The following PLEKHA2 variants were observed in gnomAD, a reference collection of about 807,000 sequenced individuals.
PLEKHA2 encodes pleckstrin homology domain containing A2.
In PLEKHA2, 28 loss-of-function variants were observed where a neutral mutation model predicts 53.2. The observed-to-expected ratio is 0.53, with a 90% CI of 0.39 to 0.72. The LOEUF is 0.72. PLEKHA2 is among the 30% of genes least tolerant of loss of function. The probability of loss-of-function intolerance (pLI) is 0.00; values close to 1 mark genes in which losing one functional copy is unlikely to be tolerated. For missense variants in PLEKHA2, 426 were observed against 537.9 expected, an observed-to-expected ratio of 0.79 and a Z score of 2.06; for synonymous variants, 193 against 196.4, an observed-to-expected ratio of 0.98 and a Z score of 0.14.
At position 38,920,541 on chromosome 8, in the gene PLEKHA2, C is replaced by G. The variant is rs1253204762; in HGVS notation, c.141+2471C>G. 1.3e-5 allele frequency among the ~76,000 whole-genome samples: 2 copies of G among 150,662 alleles called. 1 individual carries two copies. The highest frequency in any genetic ancestry group is 6.5e-3 in the Middle Eastern group (2 of 308). ...CTGCCTGCTTTGGCCTCCCAAAGTG[C>G]TGGGATTACAGGCATGAGCCGTTGC... On this transcript the variant is annotated intron_variant, in intron 2 of 11. Coordinates refer to ENST00000617275, the MANE Select transcript of PLEKHA2 (RefSeq NM_021623.2).
chr8:38,944,631 A>G (rs1158960491), intron 4 of PLEKHA2, among the ~76,000 whole-genome samples: 1 of 152,194 alleles, frequency 6.6e-6, no homozygotes, highest in Non-Finnish European at 1.5e-5. Flanking sequence ...ACTCACTATT[A>G]TGACACAACA....
intron 10 of PLEKHA2, among the ~76,000 whole-genome samples, chr8:38,967,127 T>G (rs964331247): frequency 1.3e-5 from 2 of 152,226 alleles, no homozygotes; most frequent in African/African-American, 4.8e-5. Flanking sequence ...TTTCATTCAT[T>G]TTTATAGATG....
At chr8:38,942,899 C>T (rs187388659) in intron 3 of PLEKHA2, among the ~76,000 whole-genome samples, 3 of 152,240 alleles carry the variant, frequency 2.0e-5, no homozygotes, top group East Asian at 1.9e-4. Context: ...GAATGTTCTC[C>T]GATTCCATCA....
intron 2 of PLEKHA2, among the ~76,000 whole-genome samples, chr8:38,931,949 T>G (rs939031710): frequency 5.3e-5 from 8 of 152,126 alleles, no homozygotes; most frequent in African/African-American, 1.7e-4. Context: ...AGTGTTCTGG[T>G]GGGGGGAAGC....
intron 3 of PLEKHA2, among the ~76,000 whole-genome samples, chr8:38,938,015 G>T (rs1047852741): frequency 6.6e-6 from 1 of 152,204 alleles, no homozygotes; most frequent in African/African-American, 2.4e-5. Flanking sequence ...TGAAAGTGAT[G>T]ATTGGATGTC....
At position 38,943,683 on chromosome 8, in the gene PLEKHA2, A is replaced by G. The variant is rs186053052; in HGVS notation, c.199-106A>G. On this transcript the variant is annotated intron_variant, in intron 3 of 11. Transcript: ENST00000617275. Reference sequence around the variant, plus strand: ...TTTAATTATTATTTTTTAAAAATGTAGACATATGTTTAATGTACTCTTTAT... The same window carrying G: ...TTTAATTATTATTTTTTAAAAATGTGGACATATGTTTAATGTACTCTTTAT... The G allele has an allele frequency of 1.7e-4, 133 of 793,324 alleles. 1 individual carries two copies. In the East Asian group the frequency reaches 3.7e-3, roughly 22 times the overall value. The allele number at this position is 793,324 out of a possible 1,614,324, so 49.1% of individuals were successfully genotyped here.
At chr8:38,943,562 G>A (rs886564317) in intron 3 of PLEKHA2, among the ~76,000 whole-genome samples, 2 of 152,028 alleles carry the variant, frequency 1.3e-5, no homozygotes, top group Non-Finnish European at 2.9e-5. Flanking sequence ...TATCTCTGAC[G>A]GTGGGGATTC....
chr8:38,920,973 G>C (rs1041615148), intron 2 of PLEKHA2, among the ~76,000 whole-genome samples: 1 of 151,882 alleles, frequency 6.6e-6, no homozygotes, highest in African/African-American at 2.4e-5. Context: ...GCTAATTTTT[G>C]TATTTTTAGT....
At chr8:38,946,772 T>C (rs971733119) in intron 5 of PLEKHA2, among the ~76,000 whole-genome samples, 1 of 152,140 alleles carries the variant, frequency 6.6e-6, no homozygotes, top group African/African-American at 2.4e-5. Context: ...AATTCCTTTC[T>C]TTTTCCTTAG....
At position 38,952,583 on chromosome 8, in the gene PLEKHA2, C is replaced by T; in HGVS notation, c.634-53C>T. The T allele has an allele frequency of 2.6e-6, 4 of 1,555,072 alleles. No homozygotes were observed. The South Asian group carries it at 3.4e-5, about 13-fold the overall frequency. ...GGGAGCTTAGCATGAGTACACCCTC[C>T]ACAATGCTGGGCACCTCTCGCTAAT... On this transcript the variant is annotated intron_variant, in intron 7 of 11. Transcript: ENST00000617275.
At chr8:38,907,822 G>T (rs1181987526) in intron 1 of PLEKHA2, among the ~76,000 whole-genome samples, 2 of 104,200 alleles carry the variant, frequency 1.9e-5, no homozygotes, top group Admixed American at 9.2e-5. Flanking sequence ...CTTATTTTAT[G>T]TATGTATGTA....
chr8:38,938,339 C>T (rs907981089), intron 3 of PLEKHA2, among the ~76,000 whole-genome samples: 2 of 152,182 alleles, frequency 1.3e-5, no homozygotes, highest in Non-Finnish European at 2.9e-5. Context: ...GTCCAGAGAC[C>T]CCCATCCCAT....
chr8:38,936,650 C>G (rs532602488), intron 3 of PLEKHA2, among the ~76,000 whole-genome samples: 1 of 152,366 alleles, frequency 6.6e-6, no homozygotes, highest in African/African-American at 2.4e-5. Flanking sequence ...GGGGCCGGAG[C>G]AGGCCCTCTC....
intron 1 of PLEKHA2, among the ~76,000 whole-genome samples, chr8:38,904,482 G>A (rs945939853): frequency 1.3e-5 from 2 of 152,196 alleles, no homozygotes; most frequent in Non-Finnish European, 2.9e-5. Context: ...AATTTGGCTG[G>A]CCCCTTGCAA....
chr8:38,912,660 C>A (rs1174454350), intron 1 of PLEKHA2, among the ~76,000 whole-genome samples: 1 of 152,074 alleles, frequency 6.6e-6, no homozygotes, highest in African/African-American at 2.4e-5. Flanking sequence ...CTCTGTGGAC[C>A]CAATCTTAGC....
intron 1 of PLEKHA2, among the ~76,000 whole-genome samples, chr8:38,904,297 G>A (rs1833838006): frequency 6.6e-6 from 1 of 152,242 alleles, no homozygotes; most frequent in African/African-American, 2.4e-5. Context: ...GCCCTGCTGG[G>A]GCAGGGGCTC....
Position 38,969,689 on chromosome 8 carries a change from C to G in PLEKHA2, c.1184C>G (p.Ser395Cys), listed in dbSNP as rs1212057373. Residue 395 changes from serine (S) to cysteine (C), a missense_variant, in exon 12 of 12, where the codon TCC becomes TGC. By Grantham distance (112) the Ser-to-Cys change is moderately radical. Coordinates refer to ENST00000617275, the MANE Select transcript of PLEKHA2 (RefSeq NM_021623.2). ...AGCGCTCCTGGGGTGCTGCCCAGCT[C>G]CCGGATAAGGCACAGATCGGAGCCC... ...EGSAPGVLPS[S>C]RIRHRSEPQH... The G allele has an allele frequency of 8.9e-6, 14 of 1,575,966 alleles. No homozygotes were observed. In the Middle Eastern group the frequency reaches 1.5e-3, roughly 168 times the overall value.
chr8:38,951,959 A>T (rs1274124441), intron 6 of PLEKHA2, among the ~76,000 whole-genome samples: 1 of 152,226 alleles, frequency 6.6e-6, no homozygotes, highest in African/African-American at 2.4e-5. Flanking sequence ...TGTGTTGTCC[A>T]GTCTGGTCTA....
At chr8:38,953,222 G>GTAT in intron 8 of PLEKHA2, 75 bp from the exon 9 acceptor site, 1 of 1,158,038 alleles carries the variant, frequency 8.6e-7, no homozygotes, top group Non-Finnish European at 1.3e-6. Context: ...TGAGAAAGGG[G>GTAT]TATTGGTCAG....
Sources: gnomAD v4.1 joint callset for allele counts (sites outside exome capture counted in the v4.1 genomes callset) on GRCh38, gnomAD v4.1.1 for gene constraint, MANE v1.5 for transcripts, NCBI Gene and HGNC (gene_info 2026-07-23, HGNC 2026-07-21) for gene names.